The following ATP13A3 variants were observed in gnomAD, a reference collection of about 807,000 sequenced individuals.
The protein encoded by ATP13A3 is ATPase 13A3.
In ATP13A3, 59 loss-of-function variants were observed where a neutral mutation model predicts 158.1. That is an observed-to-expected ratio of 0.37 (90% CI 0.30 to 0.46). The LOEUF (loss-of-function observed/expected upper bound fraction) is 0.46, where lower values mean the gene tolerates loss of function less well. ATP13A3 is among the 20% of genes least tolerant of loss of function. The pLI is 1.00. For synonymous variants in ATP13A3, 491 were observed against 504.3 expected (o/e 0.97, Z 0.35); for missense variants, 1,166 against 1,525.2 (o/e 0.76, Z 3.92).
At chr3:194,439,000 AC>A (rs1717861305) in intron 16 of ATP13A3, 28 bp from the exon 17 acceptor site, 4 of 1,441,746 alleles carry the variant, frequency 2.8e-6, no homozygotes, top group Non-Finnish European at 3.8e-6. Flanking sequence ...ACAAAAAAAA[AC>A]AAAAACACAA....
At chr3:194,436,900 C>A (rs1165982813) in intron 20 of ATP13A3, among the ~76,000 whole-genome samples, 195 bp downstream of exon 20, 1 of 150,184 alleles carries the variant, frequency 6.7e-6, no homozygotes, top group East Asian at 1.9e-4. Context: ...GACTGTCTCT[C>A]AAAAAAAAAC....
At chr3:194,406,516 T>C (rs1714947688) in intron 33 of ATP13A3, among the ~76,000 whole-genome samples, 2 of 152,354 alleles carry the variant, frequency 1.3e-5, no homozygotes, top group Middle Eastern at 3.4e-3. Flanking sequence ...TATATACCTA[T>C]ACTCTTGTGT....
intron 15 of ATP13A3, 127 bp from the exon 16 acceptor site, chr3:194,441,588 G>C: frequency 2.4e-6 from 2 of 821,752 alleles, no homozygotes; most frequent in South Asian, 4.2e-5. Context: ...TCCTAAGAAA[G>C]AGAAACTGTC....
Position 194,460,666 on chromosome 3 carries a change from T to G in ATP13A3, c.217A>C (p.Arg73=), listed in dbSNP as rs1460852269. 8 of 1,613,830 alleles carry G rather than the reference T, an allele frequency of 5.0e-6. No individual in the cohort carries two copies. Among genetic ancestry groups the G allele is most frequent in the Non-Finnish European group, 6.8e-6 (8 of 1,179,944 alleles). The change falls in exon 4 of 34, where the codon AGG becomes CGG. Residue 73 remains arginine (R), a synonymous_variant. Transcript: ENST00000645319. ...TAAACACATAAACTTACAGTAGTCC[T>G]CAGCAGCACTACTTCACAGTCTTTA... ...AIKDCEVVLL[R]TTDEFKMWFC... is the part of the protein sequence containing the mutation.
intron 31 of ATP13A3, among the ~76,000 whole-genome samples, chr3:194,418,758 T>G (rs537929810): frequency 6.6e-6 from 1 of 152,250 alleles, no homozygotes; most frequent in Non-Finnish European, 1.5e-5. Flanking sequence ...ATGCTCATCA[T>G]GATACCAGAA....
At chr3:194,450,997 T>A (rs575217268) in intron 10 of ATP13A3, 6 of 152,348 alleles carry the variant, frequency 3.9e-5, no homozygotes, top group Admixed American at 3.9e-4. Context: ...TCACCTTATA[T>A]GTAGGTATTC....
intron 33 of ATP13A3, among the ~76,000 whole-genome samples, chr3:194,410,317 A>AAC (rs1715291253): frequency 6.9e-6 from 1 of 145,488 alleles, no homozygotes; most frequent in Admixed American, 6.9e-5. Flanking sequence ...AAAAAAAAAA[A>AAC]AAAAAAAAAA....
intron 20 of ATP13A3, among the ~76,000 whole-genome samples, chr3:194,436,119 T>G (rs1028646190): frequency 6.6e-6 from 1 of 151,926 alleles, no homozygotes; most frequent in Non-Finnish European, 1.5e-5. Context: ...TGGGTAGAGG[T>G]TTTTCATTTT....
chr3:194,454,056 T>C (rs1406564920), intron 9 of ATP13A3, among the ~76,000 whole-genome samples: 2 of 152,148 alleles, frequency 1.3e-5, no homozygotes, highest in Non-Finnish European at 2.9e-5. Context: ...GGTAGAGTCT[T>C]GACTCTACAA....
intron 10 of ATP13A3, 175 bp from the exon 11 acceptor site, chr3:194,450,451 C>T (rs1718725951): frequency 8.2e-6 from 5 of 606,214 alleles, no homozygotes; most frequent in East Asian, 3.2e-5. Flanking sequence ...TAACAAAGCA[C>T]GGTGTGTCAG....
chr3:194,433,991 CTA>C, intron 20 of ATP13A3, 95 bp from the exon 21 acceptor site: 2 of 1,281,280 alleles, frequency 1.6e-6, no homozygotes, highest in Non-Finnish European at 2.1e-6. Context: ...TTAAAAATGT[CTA>C]TAAGTTATAA....
chr3:194,477,166 A>G (rs1047425924), intron 2 of ATP13A3, among the ~76,000 whole-genome samples: 8 of 152,170 alleles, frequency 5.3e-5, no homozygotes, highest in African/African-American at 1.4e-4. Context: ...AAGAGCTCCT[A>G]CTTGCTCTTC....
At chr3:194,461,008 CAGTT>C (rs1719617684) in intron 3 of ATP13A3, among the ~76,000 whole-genome samples, 177 bp from the exon 4 acceptor site, 2 of 152,074 alleles carry the variant, frequency 1.3e-5, no homozygotes, top group African/African-American at 2.4e-5. Flanking sequence ...AGTTTACTGT[CAGTT>C]ATATTTTAAG....
upstream of ATP13A3, chr3:194,487,108 T>C (rs1023966859): frequency 2.6e-5 from 4 of 151,272 alleles, no homozygotes; most frequent in African/African-American, 7.3e-5. Context: ...GGCGGGGCGA[T>C]TTATAGGCCC....
At chr3:194,453,630 T>G in intron 10 of ATP13A3, 76 bp downstream of exon 10, 2 of 1,102,668 alleles carry the variant, frequency 1.8e-6, no homozygotes, top group Non-Finnish European at 2.7e-6. Context: ...ATATGTATTA[T>G]ACTTTGGGCT....
intron 31 of ATP13A3, 138 bp from the exon 32 acceptor site, chr3:194,413,977 A>G: frequency 1.4e-6 from 1 of 711,522 alleles, no homozygotes; most frequent in African/African-American, 1.7e-5. Flanking sequence ...AATCCTCAAC[A>G]ATGCCCCGCG....
intron 28 of ATP13A3, among the ~76,000 whole-genome samples, chr3:194,427,507 A>G (rs1464305891): frequency 6.6e-6 from 1 of 152,018 alleles, no homozygotes; most frequent in African/African-American, 2.4e-5. Context: ...AATATTAACA[A>G]ATAAAACTAG....
In ATP13A3 at chr3:194,431,134, T is replaced by G. The variant is rs916001061; in HGVS notation, c.2514A>C (p.Ile838=). The G allele has an allele frequency of 6.2e-7, 1 of 1,614,020 alleles. No individual in the cohort carries two copies. Among genetic ancestry groups the G allele is most frequent in the Non-Finnish European group, 8.5e-7 (1 of 1,179,886 alleles). ...GAACAAGGTCTTGAAAATGCTCCAG[T>G]ATCACTGAGAATGATTTTCCATTCA... ...FAMNGKSFSV[I]LEHFQDLVPK... The change falls in exon 23 of 34, where the codon ATA becomes ATC. Residue 838 remains isoleucine, a synonymous_variant. Transcript: ENST00000645319.
chr3:194,441,949 T>C (rs1718078486), intron 15 of ATP13A3, among the ~76,000 whole-genome samples: 1 of 152,254 alleles, frequency 6.6e-6, no homozygotes, highest in Admixed American at 6.5e-5. Context: ...TAATATTTAC[T>C]ATGCACCAGG....
Sources: gnomAD v4.1 joint callset for allele counts (sites outside exome capture counted in the v4.1 genomes callset) on GRCh38, gnomAD v4.1.1 for gene constraint, MANE v1.5 for transcripts, NCBI Gene and HGNC (gene_info 2026-07-23, HGNC 2026-07-21) for gene names.